TBC1D22A: variants seen among roughly 807,000 people sequenced by gnomAD.
The protein encoded by TBC1D22A is putative GTPase activator.
In TBC1D22A, 38 loss-of-function variants were observed where a neutral mutation model predicts 60.2. The ratio of observed to expected loss-of-function variants is 0.63; its 90% CI spans 0.49 to 0.83. TBC1D22A has a LOEUF of 0.83. Ranked by LOEUF, TBC1D22A falls within the 40% of genes least tolerant of loss-of-function variation. The pLI, the probability that TBC1D22A is intolerant of heterozygous loss-of-function variation, is 0.00. For synonymous variants in TBC1D22A, 302 were observed against 281.7 expected, an observed-to-expected ratio of 1.07 and a Z score of -0.72; for missense variants, 628 against 701.0, an observed-to-expected ratio of 0.90 and a Z score of 1.18.
intron 8 of TBC1D22A, among the ~76,000 whole-genome samples, chr22:46,961,833 A>G (rs985185463): frequency 6.6e-6 from 1 of 152,236 alleles, no homozygotes; most frequent in Non-Finnish European, 1.5e-5. Context: ...CACCAGCGTC[A>G]GAGAGGCATG....
At chr22:46,965,247 C>T (rs553649030) in intron 8 of TBC1D22A, among the ~76,000 whole-genome samples, 5 of 152,330 alleles carry the variant, frequency 3.3e-5, no homozygotes, top group African/African-American at 9.6e-5. Context: ...CAGTAAAGTG[C>T]AAGGACACCT....
Position 46,973,131 on chromosome 22 carries a change from C to T in TBC1D22A, c.1016-1159C>T, listed in dbSNP as rs141581340. On this transcript the variant is annotated intron_variant, in intron 8 of 12. Coordinates refer to ENST00000337137, the MANE Select transcript of TBC1D22A (RefSeq NM_014346.5). The stretch of plus-strand genomic sequence containing the variant: ...GTGAGTTAGCAATTGTGCAGGGCTG[C>T]GACTGGGGAAGCAGCGCGATGGGAT... Among the ~76,000 whole-genome samples the T allele has an allele frequency of 9.2e-5, 14 of 152,294 alleles. No individual in the cohort carries two copies. In the East Asian group the frequency reaches 9.7e-4, roughly 11 times the overall value.
intron 1 of TBC1D22A, among the ~76,000 whole-genome samples, chr22:46,792,218 A>G (rs2084441759): frequency 6.6e-6 from 1 of 152,202 alleles, no homozygotes; most frequent in East Asian, 1.9e-4. Flanking sequence ...AGACACCCTC[A>G]TCACCGTGTA....
intron 11 of TBC1D22A, among the ~76,000 whole-genome samples, chr22:47,053,621 G>T (rs954410512): frequency 2.0e-5 from 3 of 152,376 alleles, no homozygotes; most frequent in African/African-American, 7.2e-5. Flanking sequence ...GGAGGCCTCT[G>T]TGCACAGCAG....
At chr22:46,776,459 G>A (rs2083710287) in intron 1 of TBC1D22A, among the ~76,000 whole-genome samples, 2 of 152,058 alleles carry the variant, frequency 1.3e-5, no homozygotes, top group Admixed American at 1.3e-4. Flanking sequence ...TGGGATGGGA[G>A]GTGAGGGTCA....
At chr22:46,942,356 C>T (rs1287964501) in intron 8 of TBC1D22A, among the ~76,000 whole-genome samples, 1 of 152,056 alleles carries the variant, frequency 6.6e-6, no homozygotes, top group Non-Finnish European at 1.5e-5. Flanking sequence ...AATGACTTCA[C>T]AAGGCCCCAA....
At chr22:46,868,477 A>G (rs2147407895) in intron 4 of TBC1D22A, among the ~76,000 whole-genome samples, 1 of 152,322 alleles carries the variant, frequency 6.6e-6, no homozygotes, top group Non-Finnish European at 1.5e-5. Context: ...ATCTGGAAAA[A>G]AACCCAGAAT....
At chr22:47,007,519 C>G (rs1227453794) in intron 10 of TBC1D22A, among the ~76,000 whole-genome samples, 1 of 152,216 alleles carries the variant, frequency 6.6e-6, no homozygotes, top group Non-Finnish European at 1.5e-5. Flanking sequence ...ATACCACAGG[C>G]TGGTGGCTTA....
intron 12 of TBC1D22A, among the ~76,000 whole-genome samples, chr22:47,152,718 A>G (rs2067551779): frequency 6.6e-6 from 1 of 152,180 alleles, no homozygotes; most frequent in Non-Finnish European, 1.5e-5. Context: ...CGTGATGAGA[A>G]AGGTGGCGTT....
chr22:46,911,204 T>G (rs1282877248), intron 7 of TBC1D22A, among the ~76,000 whole-genome samples: 3 of 152,092 alleles, frequency 2.0e-5, no homozygotes, highest in African/African-American at 7.3e-5. Flanking sequence ...GAGGGTCCAC[T>G]GAATATATTG....
intron 1 of TBC1D22A, among the ~76,000 whole-genome samples, chr22:46,788,521 A>C (rs1473453958): frequency 2.0e-5 from 3 of 152,068 alleles, no homozygotes; most frequent in African/African-American, 7.2e-5. Context: ...CTGTTCCTTC[A>C]CTTTTCTGTG....
At chr22:47,096,925 G>A (rs1403396274) in intron 11 of TBC1D22A, among the ~76,000 whole-genome samples, 1 of 152,248 alleles carries the variant, frequency 6.6e-6, no homozygotes. Context: ...CGTGTGGTGT[G>A]CAACAGAGTC....
At chr22:46,951,319 AC>A (rs2072889088) in intron 8 of TBC1D22A, among the ~76,000 whole-genome samples, 1 of 152,256 alleles carries the variant, frequency 6.6e-6, no homozygotes, top group African/African-American at 2.4e-5. Flanking sequence ...CCAATAAAAC[AC>A]AAACCACTTC....
chr22:46,960,384 C>T (rs540608939), intron 8 of TBC1D22A, among the ~76,000 whole-genome samples: 1 of 152,216 alleles, frequency 6.6e-6, no homozygotes, highest in East Asian at 1.9e-4. Flanking sequence ...GCATCAGCCT[C>T]CTGAGTAGCT....
chr22:46,865,076 G>T (rs10427879), intron 4 of TBC1D22A, among the ~76,000 whole-genome samples: 1 of 152,150 alleles, frequency 6.6e-6, no homozygotes, highest in Non-Finnish European at 1.5e-5. Flanking sequence ...TGAAATCTTT[G>T]CCTAACATCC....
chr22:46,936,186 C>T (rs9616165), intron 8 of TBC1D22A, among the ~76,000 whole-genome samples: 84,215 of 152,124 alleles, frequency 0.55, 24,225 homozygotes, highest in East Asian at 0.72. Flanking sequence ...TGTCCCCTCA[C>T]CTGTGATGGC....
At chr22:46,838,091 C>T (rs571051651) in intron 4 of TBC1D22A, among the ~76,000 whole-genome samples, 45 of 152,250 alleles carry the variant, frequency 3.0e-4, no homozygotes, top group African/African-American at 1.0e-3. Context: ...AACAGCCCAA[C>T]TTCTACACTT....
chr22:46,860,720 G>T (rs1026156908), intron 4 of TBC1D22A, among the ~76,000 whole-genome samples: 1 of 152,234 alleles, frequency 6.6e-6, no homozygotes, highest in Non-Finnish European at 1.5e-5. Context: ...AGCGTCTTCT[G>T]GCGACAGGCG....
intron 11 of TBC1D22A, among the ~76,000 whole-genome samples, chr22:47,098,025 G>C (rs2065251516): frequency 6.6e-6 from 1 of 151,778 alleles, no homozygotes; most frequent in African/African-American, 2.4e-5. Flanking sequence ...TGGCATGCTG[G>C]CTGCTTTATT....
Sources: gnomAD v4.1 joint callset for allele counts (sites outside exome capture counted in the v4.1 genomes callset) on GRCh38, gnomAD v4.1.1 for gene constraint, MANE v1.5 for transcripts, NCBI Gene and HGNC (gene_info 2026-07-23, HGNC 2026-07-21) for gene names.